The following MAP4K3 variants were observed in gnomAD, a reference collection of about 807,000 sequenced individuals.
MAP4K3 encodes the protein mitogen-activated protein kinase kinase kinase kinase 3, also known as MAPK/ERK kinase kinase kinase 3.
Under a neutral mutation model 143.5 loss-of-function variants are expected in MAP4K3, and 94 were observed. The ratio of observed to expected loss-of-function variants is 0.65; its 90% CI spans 0.55 to 0.78. The LOEUF (loss-of-function observed/expected upper bound fraction) is 0.78. Among genes scored for constraint, MAP4K3 ranks in the 30% least tolerant of loss-of-function variants. MAP4K3 has a pLI of 0.00. For synonymous variants in MAP4K3, 416 were observed against 347.2 expected (o/e 1.20, Z -2.20); for missense variants, 1,077 against 1,068.1 (o/e 1.01, Z -0.12).
rs567539920 is a variant in MAP4K3, at chr2:39,401,104, G to C, written c.97-22981C>G. Among the ~76,000 whole-genome samples the C allele has an allele frequency of 8.9e-4, 135 of 152,258 alleles. 1 individual carries two copies. The highest frequency in any genetic ancestry group is 3.0e-3 in the African/African-American group (124 of 41,544). On this transcript the variant is annotated intron_variant, in intron 1 of 33. Transcript: ENST00000263881. Reference sequence around the variant, plus strand: ...TGCAGGGCAAGGGAACCCAGATGGAGCCTGATGGTCACCCTAAGTTGAGAT... The same window carrying C: ...TGCAGGGCAAGGGAACCCAGATGGACCCTGATGGTCACCCTAAGTTGAGAT...
intron 15 of MAP4K3, among the ~76,000 whole-genome samples, chr2:39,304,843 G>A (rs1187259099): frequency 6.6e-6 from 1 of 152,148 alleles, no homozygotes; most frequent in East Asian, 1.9e-4. Flanking sequence ...ACAAAATGTG[G>A]TATTTACATG....
intron 27 of MAP4K3, among the ~76,000 whole-genome samples, chr2:39,266,463 G>T (rs1302273554): frequency 6.6e-6 from 1 of 152,060 alleles, no homozygotes; most frequent in East Asian, 1.9e-4. Flanking sequence ...CCAGCTAAGC[G>T]AATAGTCAGC....
chr2:39,340,289 GC>G (rs1283990988), intron 4 of MAP4K3, among the ~76,000 whole-genome samples: 2 of 152,168 alleles, frequency 1.3e-5, no homozygotes. Flanking sequence ...CCATAGACTA[GC>G]CAAAGATTAT....
Position 39,392,471 on chromosome 2 carries a change from G to T in MAP4K3, c.97-14348C>A, listed in dbSNP as rs371982511. 4.6e-5 allele frequency among the ~76,000 whole-genome samples: 7 copies of T among 152,230 alleles called. No individual in the cohort carries two copies. In the East Asian group the frequency reaches 9.6e-4, roughly 21 times the overall value. On this transcript the variant is annotated intron_variant, in intron 1 of 33. Transcript: ENST00000263881. ...TTAAATTAGACACATAAAGCTATTT[G>T]CCCCTATACTAAATCATATTTTTAG...
At chr2:39,399,289 T>C (rs558174331) in intron 1 of MAP4K3, among the ~76,000 whole-genome samples, 1 of 152,326 alleles carries the variant, frequency 6.6e-6, no homozygotes, top group Non-Finnish European at 1.5e-5. Flanking sequence ...AGGCAGTGAA[T>C]ACTTCAGATG....
chr2:39,436,012 T>C (rs889747970), intron 1 of MAP4K3, among the ~76,000 whole-genome samples: 10 of 152,058 alleles, frequency 6.6e-5, no homozygotes, highest in Admixed American at 6.6e-5. Flanking sequence ...ACTGGAGGAG[T>C]TCAACTTCAG....
intron 21 of MAP4K3, 100 bp from the exon 22 acceptor site, chr2:39,282,654 C>T: frequency 2.5e-6 from 2 of 791,404 alleles, no homozygotes; most frequent in African/African-American, 1.8e-5. Context: ...TACATGAATA[C>T]ATTCTTTGTA....
At chr2:39,357,888 A>G (rs1280798836) in intron 2 of MAP4K3, among the ~76,000 whole-genome samples, 1 of 152,220 alleles carries the variant, frequency 6.6e-6, no homozygotes, top group African/African-American at 2.4e-5. Flanking sequence ...GCATACAGTA[A>G]AAGTTGATCT....
chr2:39,299,353 A>G (rs56838255), intron 16 of MAP4K3, among the ~76,000 whole-genome samples: 3,085 of 152,296 alleles, frequency 0.02, 100 homozygotes, highest in African/African-American at 0.071. Context: ...AAAAGTTAAG[A>G]TTTCTAAGTT....
chr2:39,346,558 T>C (rs529563276), intron 3 of MAP4K3, among the ~76,000 whole-genome samples: 1 of 152,286 alleles, frequency 6.6e-6, no homozygotes, highest in East Asian at 1.9e-4. Context: ...TCCACACCCT[T>C]GGGGCAGTGA....
At chr2:39,417,554 C>G (rs1023497965) in intron 1 of MAP4K3, among the ~76,000 whole-genome samples, 2 of 152,092 alleles carry the variant, frequency 1.3e-5, no homozygotes, top group African/African-American at 4.8e-5. Flanking sequence ...TAGGAAACTA[C>G]AGATAAACAA....
intron 13 of MAP4K3, among the ~76,000 whole-genome samples, chr2:39,310,751 AT>A (rs1682911765): frequency 1.3e-5 from 2 of 152,086 alleles, no homozygotes; most frequent in African/African-American, 4.8e-5. Context: ...AGCATGTGTT[AT>A]TTTTTGGCTT....
intron 13 of MAP4K3, 83 bp from the exon 14 acceptor site, chr2:39,309,602 C>T (rs1038716565): frequency 3.0e-5 from 23 of 770,738 alleles, no homozygotes; most frequent in Admixed American, 1.7e-4. Flanking sequence ...CTGTCTCCCA[C>T]GCTGGAGTGC....
At chr2:39,368,814 T>A (rs1001657779) in intron 2 of MAP4K3, among the ~76,000 whole-genome samples, 11 of 152,240 alleles carry the variant, frequency 7.2e-5, no homozygotes, top group African/African-American at 2.7e-4. Context: ...CCTGATCTGT[T>A]CTTGAGGTTA....
At chr2:39,365,211 C>T (rs1665886809) in intron 2 of MAP4K3, among the ~76,000 whole-genome samples, 1 of 152,100 alleles carries the variant, frequency 6.6e-6, no homozygotes, top group Admixed American at 6.5e-5. Flanking sequence ...AAAGTCTGTT[C>T]ACTAGTCTTA....
At chr2:39,304,512 T>C (rs1682624729) in intron 15 of MAP4K3, among the ~76,000 whole-genome samples, 1 of 152,182 alleles carries the variant, frequency 6.6e-6, no homozygotes, top group Non-Finnish European at 1.5e-5. Context: ...GGCTACTTTA[T>C]ACCCATTAGG....
At chr2:39,282,087 C>G (rs576060878) in intron 22 of MAP4K3, among the ~76,000 whole-genome samples, 1 of 151,002 alleles carries the variant, frequency 6.6e-6, no homozygotes, top group African/African-American at 2.4e-5. Flanking sequence ...CCCAGCTACT[C>G]GAGAGGCTGA....
At chr2:39,307,433 T>C (rs1682748387) in intron 15 of MAP4K3, among the ~76,000 whole-genome samples, 1 of 152,014 alleles carries the variant, frequency 6.6e-6, no homozygotes, top group African/African-American at 2.4e-5. Context: ...CATCTGAGAA[T>C]GATTTCATTG....
At chr2:39,327,073 A>G (rs1683516289) in intron 8 of MAP4K3, among the ~76,000 whole-genome samples, 1 of 152,196 alleles carries the variant, frequency 6.6e-6, no homozygotes, top group African/African-American at 2.4e-5. Context: ...TAATAGACCA[A>G]CACGTCCAAA....
Sources: gnomAD v4.1 joint callset for allele counts (sites outside exome capture counted in the v4.1 genomes callset) on GRCh38, gnomAD v4.1.1 for gene constraint, MANE v1.5 for transcripts, NCBI Gene and HGNC (gene_info 2026-07-23, HGNC 2026-07-21) for gene names.